GALNT13: variants seen among roughly 807,000 people sequenced by gnomAD.
GALNT13 encodes the protein polypeptide N-acetylgalactosaminyltransferase 13, also known as UDP-GalNAc:polypeptide N-acetylgalactosaminyltransferase 13.
GALNT13 carries 28 observed loss-of-function variants against 64.2 expected under a neutral mutation model. The observed-to-expected ratio is 0.44, with a 90% CI of 0.32 to 0.60. GALNT13 has a LOEUF of 0.60. Among genes scored for constraint, GALNT13 ranks in the 20% least tolerant of loss-of-function variants. GALNT13 has a pLI of 0.05. For synonymous variants in GALNT13, 214 were observed against 224.6 expected (o/e 0.95, Z 0.42); for missense variants, 577 against 669.8 (o/e 0.86, Z 1.53).
At chr2:153,336,778 TA>T in the GALNT13 span, among the ~76,000 whole-genome samples, 9 of 152,078 alleles carry the variant, frequency 5.9e-5, no homozygotes, top group African/African-American at 1.7e-4. Flanking sequence ...TTGGAGGGGC[TA>T]GGGGTAGAAT....
the GALNT13 span, among the ~76,000 whole-genome samples, chr2:153,231,627 T>C: frequency 2.0e-5 from 3 of 152,212 alleles, no homozygotes; most frequent in Non-Finnish European, 2.9e-5. Flanking sequence ...GTGGAATAAA[T>C]GACAAAAACA....
chr2:153,651,928 A>G, the GALNT13 span, among the ~76,000 whole-genome samples: 1 of 152,192 alleles, frequency 6.6e-6, no homozygotes, highest in Non-Finnish European at 1.5e-5. Flanking sequence ...ATGTTTGCAT[A>G]AATTTTTCAG....
chr2:153,583,199 A>G, the GALNT13 span, among the ~76,000 whole-genome samples: 4 of 152,216 alleles, frequency 2.6e-5, no homozygotes, highest in Non-Finnish European at 5.9e-5. Flanking sequence ...TGCCAGGAAT[A>G]AATAAGCTTT....
At chr2:154,206,767 G>A (rs1687478911) in intron 4 of GALNT13, among the ~76,000 whole-genome samples, 1 of 151,130 alleles carries the variant, frequency 6.6e-6, no homozygotes, top group South Asian at 2.1e-4. Context: ...CTGGGTGACA[G>A]AGGGAGACTC....
chr2:154,410,247 G>A (rs1699733794), intron 11 of GALNT13, among the ~76,000 whole-genome samples: 1 of 151,794 alleles, frequency 6.6e-6, no homozygotes, highest in Admixed American at 6.6e-5. Flanking sequence ...AACCAATGAA[G>A]TCCTGATGAA....
chr2:153,096,033 AAAT>A, the GALNT13 span, among the ~76,000 whole-genome samples: 1 of 129,594 alleles, frequency 7.7e-6, no homozygotes, highest in South Asian at 2.4e-4. Context: ...AAGTATAATA[AAAT>A]AAGTAAATAA....
the GALNT13 span, among the ~76,000 whole-genome samples, chr2:153,742,472 T>C: frequency 2.0e-5 from 3 of 152,258 alleles, no homozygotes; most frequent in East Asian, 1.9e-4. Context: ...ATGTATACAA[T>C]GCATATACAT....
chr2:153,694,258 C>G, the GALNT13 span, among the ~76,000 whole-genome samples: 1 of 152,134 alleles, frequency 6.6e-6, no homozygotes, highest in African/African-American at 2.4e-5. Context: ...TTTTCTTTCA[C>G]AAGGTACAAG....
the GALNT13 span, among the ~76,000 whole-genome samples, chr2:153,378,842 T>C: frequency 6.6e-6 from 1 of 152,170 alleles, no homozygotes; most frequent in East Asian, 1.9e-4. Context: ...GCTTAAATAA[T>C]AAAAAGAATT....
intron 4 of GALNT13, among the ~76,000 whole-genome samples, chr2:154,155,886 G>A (rs1684386513): frequency 6.6e-6 from 1 of 150,478 alleles, no homozygotes; most frequent in African/African-American, 2.5e-5. Context: ...AATAAATGGA[G>A]CATATTAATG....
At chr2:154,192,113 G>A (rs935629365) in intron 4 of GALNT13, among the ~76,000 whole-genome samples, 7 of 152,174 alleles carry the variant, frequency 4.6e-5, no homozygotes, top group African/African-American at 7.2e-5. Context: ...CAACCGCCCC[G>A]GGGCAAACTG....
At chr2:154,023,840 T>C (rs1176634098) in intron 3 of GALNT13, among the ~76,000 whole-genome samples, 1 of 152,228 alleles carries the variant, frequency 6.6e-6, no homozygotes, top group Non-Finnish European at 1.5e-5. Context: ...TACCAGTTGT[T>C]CCTTTCCATG....
intron 4 of GALNT13, among the ~76,000 whole-genome samples, chr2:154,200,261 T>G (rs1231455378): frequency 1.3e-5 from 2 of 152,028 alleles, no homozygotes; most frequent in African/African-American, 2.4e-5. Flanking sequence ...TTCTTATCTC[T>G]TTCGAGATAA....
chr2:154,399,517 A>G (rs1032456879), intron 10 of GALNT13, among the ~76,000 whole-genome samples: 8 of 152,054 alleles, frequency 5.3e-5, no homozygotes, highest in African/African-American at 1.9e-4. Context: ...GCTCCCTTCA[A>G]CCTCTTTTAT....
At chr2:153,099,648 T>G in the GALNT13 span, among the ~76,000 whole-genome samples, 1 of 152,234 alleles carries the variant, frequency 6.6e-6, no homozygotes, top group African/African-American at 2.4e-5. Context: ...TGTGGGTAAA[T>G]TATAGGTGTA....
chr2:153,375,888 G>A, the GALNT13 span, among the ~76,000 whole-genome samples: 5 of 152,148 alleles, frequency 3.3e-5, no homozygotes, highest in African/African-American at 2.4e-5. Context: ...GAAGCGTGGT[G>A]CCAGTGTCTG....
the GALNT13 span, among the ~76,000 whole-genome samples, chr2:153,275,562 C>A: frequency 6.6e-6 from 1 of 152,122 alleles, no homozygotes; most frequent in African/African-American, 2.4e-5. Flanking sequence ...AAATAAATTT[C>A]TGTTCTTTAT....
chr2:154,337,690 A>G (rs993936177), intron 9 of GALNT13, among the ~76,000 whole-genome samples: 9 of 152,130 alleles, frequency 5.9e-5, no homozygotes, highest in Non-Finnish European at 1.2e-4. Context: ...CATAGGCCAT[A>G]TACAGTAAAT....
At chr2:153,730,608 T>C in the GALNT13 span, among the ~76,000 whole-genome samples, 1 of 151,634 alleles carries the variant, frequency 6.6e-6, no homozygotes, top group Non-Finnish European at 1.5e-5. Flanking sequence ...CAAATAAACA[T>C]ACAATCTACA....
Sources: gnomAD v4.1 joint callset for allele counts (sites outside exome capture counted in the v4.1 genomes callset) on GRCh38, gnomAD v4.1.1 for gene constraint, MANE v1.5 for transcripts, NCBI Gene and HGNC (gene_info 2026-07-23, HGNC 2026-07-21) for gene names.